The following PAK1 variants were observed in gnomAD, a reference collection of about 807,000 sequenced individuals.
The protein encoded by PAK1 is p21 (RAC1) activated kinase 1, also known as serine/threonine-protein kinase PAK 1.
PAK1 carries 29 observed loss-of-function variants against 67.4 expected under a neutral mutation model. The observed-to-expected ratio is 0.43, with a 90% CI of 0.32 to 0.59. PAK1 has a LOEUF of 0.59. Ranked by LOEUF, PAK1 falls within the 20% of genes least tolerant of loss-of-function variation. PAK1 has a pLI of 0.07. For missense variants in PAK1, 337 were observed against 670.7 expected (o/e 0.50, Z 5.50); for synonymous variants, 223 against 237.4 (o/e 0.94, Z 0.56).
intron 1 of PAK1, among the ~76,000 whole-genome samples, chr11:77,407,135 T>C (rs1026376317): frequency 4.6e-5 from 7 of 152,208 alleles, no homozygotes; most frequent in Admixed American, 4.6e-4. Flanking sequence ...TTAAAAAGAT[T>C]AAAAATCAGG....
chr11:77,379,405 C>A lies in PAK1; in HGVS notation c.292-17G>T, dbSNP rs7112668. 1 of 1,606,000 alleles carries A rather than the reference C, an allele frequency of 6.2e-7. No homozygotes were observed. The highest frequency in any genetic ancestry group is 8.5e-7 in the Non-Finnish European group (1 of 1,176,088). Reference sequence around the variant, plus strand: ...TGGCATTCCCTGTAAGAGAGACATGCAAGACTAACAGGAAGGCACAGTCAC... The same window carrying A: ...TGGCATTCCCTGTAAGAGAGACATGAAAGACTAACAGGAAGGCACAGTCAC... On this transcript the variant is annotated splice_polypyrimidine_tract_variant and intron_variant, in intron 3 of 14. Coordinates refer to ENST00000356341, the MANE Select transcript of PAK1 (RefSeq NM_002576.5).
intron 1 of PAK1, among the ~76,000 whole-genome samples, chr11:77,412,450 CAA>C (rs1256228845): frequency 6.6e-6 from 1 of 152,040 alleles, no homozygotes; most frequent in Non-Finnish European, 1.5e-5. Flanking sequence ...TATTTTGAGA[CAA>C]GAGTCTTGCT....
At chr11:77,363,916 C>T (rs1947139307) in intron 5 of PAK1, among the ~76,000 whole-genome samples, 1 of 152,218 alleles carries the variant, frequency 6.6e-6, no homozygotes, top group Admixed American at 6.5e-5. Flanking sequence ...ATCCGAGCCC[C>T]AACTCCAGAA....
At chr11:77,337,682 T>C (rs1341968994) in intron 11 of PAK1, among the ~76,000 whole-genome samples, 1 of 152,146 alleles carries the variant, frequency 6.6e-6, no homozygotes, top group Non-Finnish European at 1.5e-5. Flanking sequence ...GTTCCTCCAA[T>C]GTAATTTTTT....
chr11:77,370,002 G>C (rs1170464763), intron 5 of PAK1, among the ~76,000 whole-genome samples: 2 of 152,222 alleles, frequency 1.3e-5, no homozygotes, highest in Non-Finnish European at 2.9e-5. Context: ...TATAAGTGAA[G>C]GATAGATTAG....
intron 1 of PAK1, among the ~76,000 whole-genome samples, chr11:77,415,675 G>C (rs1954906933): frequency 6.6e-6 from 1 of 152,066 alleles, no homozygotes. Flanking sequence ...TGCAGGACTG[G>C]AAGTTTCTCT....
At chr11:77,358,872 A>C (rs747297152) in intron 6 of PAK1, 26 bp downstream of exon 6, 5 of 1,612,586 alleles carry the variant, frequency 3.1e-6, no homozygotes, top group East Asian at 2.2e-5. Context: ...TAAATCACAA[A>C]ACTGGCCAGG....
At chr11:77,524,490 T>C in the PAK1 span, among the ~76,000 whole-genome samples, 3 of 152,362 alleles carry the variant, frequency 2.0e-5, no homozygotes, top group African/African-American at 7.2e-5. Flanking sequence ...GTTTCATTCT[T>C]CAAGTTTCAT....
Position 77,322,800 on chromosome 11 carries a change from G to A in PAK1, c.*474C>T, listed in dbSNP as rs1938714997. On this transcript the variant is annotated 3_prime_UTR_variant, in exon 15 of 15. Coordinates refer to ENST00000356341, the MANE Select transcript of PAK1 (RefSeq NM_002576.5). The stretch of plus-strand genomic sequence containing the variant: ...CCCTGGCAGATTATCAAACCCCATG[G>A]CATTCCCAAGCTGTTCCAGTTTTCA... 3 of 377,236 alleles carry A rather than the reference G, an allele frequency of 8.0e-6. No individual in the cohort carries two copies. The highest frequency in any genetic ancestry group is 3.9e-5 in the South Asian group (1 of 25,924). 23.4% of individuals were successfully genotyped at this position (377,236 alleles called of 1,614,324 possible). A position where few individuals can be genotyped will look rare whatever the true frequency, so the allele number is the denominator to read the frequency against.
At chr11:77,339,773 C>T (rs539829095) in intron 11 of PAK1, among the ~76,000 whole-genome samples, 2 of 152,248 alleles carry the variant, frequency 1.3e-5, no homozygotes, top group South Asian at 4.1e-4. Context: ...TATGCTTCCC[C>T]TAATTTCCTA....
At chr11:77,475,180 T>TC, upstream of PAK1, 1 of 152,078 alleles carries the variant, frequency 6.6e-6, no homozygotes, top group Non-Finnish European at 1.5e-5. Context: ...CATTCAACAA[T>TC]CCCCTAAGCC....
intron 2 of PAK1, among the ~76,000 whole-genome samples, chr11:77,389,558 G>A (rs1198212586): frequency 6.6e-6 from 1 of 152,188 alleles, no homozygotes; most frequent in Non-Finnish European, 1.5e-5. Context: ...ATCCTAGTGA[G>A]TGTGAAGTGG....
intron 5 of PAK1, among the ~76,000 whole-genome samples, chr11:77,362,470 A>C (rs1287730625): frequency 6.6e-6 from 1 of 152,192 alleles, no homozygotes; most frequent in Admixed American, 6.5e-5. Flanking sequence ...TTTTATGTTG[A>C]ACTGTCTGTT....
the PAK1 span, among the ~76,000 whole-genome samples, chr11:77,500,320 A>G: frequency 6.6e-6 from 1 of 152,130 alleles, no homozygotes; most frequent in South Asian, 2.1e-4. Flanking sequence ...TACAAAAATT[A>G]GCCAGGCATG....
chr11:77,398,804 C>T (rs1952192281), intron 1 of PAK1, among the ~76,000 whole-genome samples: 1 of 152,172 alleles, frequency 6.6e-6, no homozygotes, highest in South Asian at 2.1e-4. Context: ...GATTTTCCAA[C>T]TATACTGTTC....
intron 1 of PAK1, among the ~76,000 whole-genome samples, chr11:77,417,700 A>G (rs1392665617): frequency 1.3e-5 from 2 of 151,866 alleles, no homozygotes; most frequent in African/African-American, 4.8e-5. Context: ...AATAGAGGAA[A>G]TGGGGAGAGA....
intron 1 of PAK1, among the ~76,000 whole-genome samples, chr11:77,441,904 A>G (rs982584420): frequency 1.5e-4 from 23 of 152,170 alleles, no homozygotes; most frequent in Admixed American, 6.5e-5. Context: ...ATAGCAAAGA[A>G]ATCTTCTTGT....
chr11:77,355,229 T>C (rs1945842850), intron 7 of PAK1, among the ~76,000 whole-genome samples: 2 of 152,166 alleles, frequency 1.3e-5, no homozygotes, highest in African/African-American at 2.4e-5. Context: ...TATAGGTTCA[T>C]AAAATGTTAA....
At chr11:77,524,445 C>G in the PAK1 span, among the ~76,000 whole-genome samples, 4 of 152,340 alleles carry the variant, frequency 2.6e-5, no homozygotes, top group African/African-American at 9.6e-5. Flanking sequence ...CATGCTCGCT[C>G]TCTTCCCTAC....
Sources: allele counts gnomAD v4.1 joint callset (sites outside exome capture counted in the v4.1 genomes callset), GRCh38; gene constraint gnomAD v4.1.1; transcripts MANE v1.5; gene names NCBI Gene and HGNC (gene_info 2026-07-23, HGNC 2026-07-21).